The following ZNF675 variants were observed in gnomAD, a reference collection of about 807,000 sequenced individuals.
ZNF675 encodes the protein zinc finger protein 675.
Under a neutral mutation model 56.1 loss-of-function variants are expected in ZNF675, and 36 were observed. That is an observed-to-expected ratio of 0.64 (90% CI 0.49 to 0.85). The LOEUF is 0.85. ZNF675 is among the 40% of genes least tolerant of loss of function. The pLI is 0.00. For synonymous variants in ZNF675, 200 were observed against 218.9 expected (o/e 0.91, Z 0.76); for missense variants, 663 against 654.2 (o/e 1.01, Z -0.15).
intron 1 of ZNF675, among the ~76,000 whole-genome samples, chr19:23,683,015 C>G (rs1458669910): frequency 6.6e-6 from 1 of 151,400 alleles, no homozygotes; most frequent in Non-Finnish European, 1.5e-5. Context: ...ATGGTGAAAC[C>G]CCATCTCTAC....
chr19:23,662,917 G>A, intron 2 of ZNF675, 115 bp downstream of exon 2: 1 of 941,458 alleles, frequency 1.1e-6, no homozygotes, highest in Non-Finnish European at 1.5e-6. Flanking sequence ...CCAGGAGGCG[G>A]AGGTTGCAGT....
At position 23,662,120 on chromosome 19, in the gene ZNF675, G is replaced by T; in HGVS notation, c.220C>A (p.Pro74Thr). 1 of 1,611,970 alleles carries T rather than the reference G, an allele frequency of 6.2e-7. No individual in the cohort carries two copies. The highest frequency in any genetic ancestry group is 1.1e-5 in the South Asian group (1 of 90,988). The change falls in exon 3 of 4, where the codon CCC becomes ACC. Residue 74 changes from proline to threonine, a missense_variant. Around this residue, in one of 3 missense-constraint regions of ZNF675, gnomAD observed 617 missense variants for 590.5 expected, o/e 1.04. Transcript: ENST00000359788. Reference protein sequence around the residue: ...TVKRHEMVNEPPVMCSHFAQE... With the variant: ...TVKRHEMVNETPVMCSHFAQE... ...CACTTTCATTCTCACTTACCTGGGG[G>T]TTCATTCACCATCTCATGTCTCTTC...
chr19:23,682,690 G>A (rs1968392076), intron 1 of ZNF675, among the ~76,000 whole-genome samples: 1 of 151,476 alleles, frequency 6.6e-6, no homozygotes, highest in South Asian at 2.1e-4. Flanking sequence ...AGCTTTAGAT[G>A]GGCTCAAGCT....
At chr19:23,669,627 A>G (rs1038547091) in intron 1 of ZNF675, among the ~76,000 whole-genome samples, 45 of 152,196 alleles carry the variant, frequency 3.0e-4, no homozygotes, top group African/African-American at 1.0e-3. Context: ...TAATCCCAGC[A>G]CTTTGAGATG....
At chr19:23,676,952 T>C (rs1390668522) in intron 1 of ZNF675, among the ~76,000 whole-genome samples, 1 of 150,300 alleles carries the variant, frequency 6.7e-6, no homozygotes, top group East Asian at 2.0e-4. Flanking sequence ...CGGGCGCCTG[T>C]AGTCCCAGCT....
intron 1 of ZNF675, among the ~76,000 whole-genome samples, chr19:23,680,985 T>C (rs12609963): frequency 0.97 from 147,211 of 151,668 alleles, 71,746 homozygotes; most frequent in Middle Eastern, 1. Flanking sequence ...GCAGATGTAC[T>C]TATGAACCAA....
At chr19:23,663,286 A>C in intron 1 of ZNF675, 128 bp from the exon 2 acceptor site, 1 of 1,199,712 alleles carries the variant, frequency 8.3e-7, no homozygotes, top group Non-Finnish European at 1.2e-6. Flanking sequence ...TTATCCAATA[A>C]AATCATATTT....
intron 1 of ZNF675, among the ~76,000 whole-genome samples, chr19:23,681,319 C>A (rs974451234): frequency 6.6e-6 from 1 of 151,514 alleles, no homozygotes; most frequent in Non-Finnish European, 1.5e-5. Context: ...GGTGTGGGCA[C>A]GTCAATGTCT....
chr19:23,657,913 T>G, intron 3 of ZNF675, among the ~76,000 whole-genome samples: 1 of 152,060 alleles, frequency 6.6e-6, no homozygotes. Flanking sequence ...TCCCACAAAG[T>G]GTACAAACAA....
intron 1 of ZNF675, among the ~76,000 whole-genome samples, chr19:23,676,987 TGGC>T (rs375689311): frequency 0.097 from 14,264 of 147,362 alleles, 871 homozygotes; most frequent in East Asian, 0.22. Flanking sequence ...GGCAAGAGAA[TGGC>T]GGCGTTAACC....
intron 1 of ZNF675, among the ~76,000 whole-genome samples, chr19:23,669,498 G>A (rs1238940343): frequency 6.9e-6 from 1 of 145,084 alleles, no homozygotes; most frequent in Non-Finnish European, 1.5e-5. Context: ...GGGGTGGGGG[G>A]AGCTTATGAA....
intron 1 of ZNF675, among the ~76,000 whole-genome samples, chr19:23,678,055 A>C (rs1599423050): frequency 6.6e-6 from 1 of 150,864 alleles, no homozygotes; most frequent in Admixed American, 6.6e-5. Context: ...CAGAGGCGGG[A>C]GGCTGCAGTG....
At position 23,654,723 on chromosome 19, in the gene ZNF675, T is replaced by TA. The variant is rs1225443224; in HGVS notation, c.227-18dup. The TA allele has an allele frequency of 6.7e-7, 1 of 1,501,778 alleles. No individual in the cohort carries two copies. The highest frequency in any genetic ancestry group is 2.3e-5 in the East Asian group (1 of 44,056). The allele number at this position is 1,501,778 out of a possible 1,614,324, so 93.0% of individuals were successfully genotyped here. A position where few individuals can be genotyped will look rare whatever the true frequency, so the allele number is the denominator to read the frequency against. ...AACACATTACTGAAAGAAATAAAAA[T>TA]AACACATTACTTTACAGACTCAGAT... On this transcript the variant is annotated splice_polypyrimidine_tract_variant and intron_variant, in intron 3 of 3. Transcript: ENST00000359788.
At chr19:23,675,093 A>G (rs1357549133) in intron 1 of ZNF675, among the ~76,000 whole-genome samples, 2 of 151,846 alleles carry the variant, frequency 1.3e-5, no homozygotes, top group South Asian at 2.1e-4. Context: ...CACTGGATTC[A>G]GGCATCTAAG....
At chr19:23,669,874 A>C (rs79989808) in intron 1 of ZNF675, among the ~76,000 whole-genome samples, 13 of 151,804 alleles carry the variant, frequency 8.6e-5, no homozygotes, top group Admixed American at 4.6e-4. Flanking sequence ...AAAAAAAAAA[A>C]ACAACACCTC....
At chr19:23,664,575 C>G (rs1968124300) in intron 1 of ZNF675, among the ~76,000 whole-genome samples, 1 of 152,166 alleles carries the variant, frequency 6.6e-6, no homozygotes, top group African/African-American at 2.4e-5. Context: ...TTCTTTAGAG[C>G]AAAGGTAGAA....
chr19:23,675,639 C>A (rs896188446), intron 1 of ZNF675, among the ~76,000 whole-genome samples: 1 of 151,624 alleles, frequency 6.6e-6, no homozygotes, highest in Admixed American at 6.6e-5. Flanking sequence ...AAATCAAGTT[C>A]TTTAAAATAA....
chr19:23,667,053 T>C (rs1968161269), intron 1 of ZNF675, among the ~76,000 whole-genome samples: 1 of 152,040 alleles, frequency 6.6e-6, no homozygotes, highest in Non-Finnish European at 1.5e-5. Flanking sequence ...AGGTGGCGCG[T>C]CTGGAGTTTG....
At chr19:23,672,201 A>ATACTC (rs1180079453) in intron 1 of ZNF675, among the ~76,000 whole-genome samples, 6 of 150,188 alleles carry the variant, frequency 4.0e-5, no homozygotes, top group African/African-American at 1.5e-4. Context: ...AAGGACAAGA[A>ATACTC]TACTCTACTC....
Sources: allele counts gnomAD v4.1 joint callset (sites outside exome capture counted in the v4.1 genomes callset), GRCh38; gene constraint gnomAD v4.1.1; regional missense constraint gnomAD v4.1.1; transcripts MANE v1.5; gene names NCBI Gene and HGNC (gene_info 2026-07-23, HGNC 2026-07-21).